PSMC3IP: variants seen among roughly 807,000 people sequenced by gnomAD.
PSMC3IP encodes PSMC3 interacting protein.
PSMC3IP carries 26 observed loss-of-function variants against 34.9 expected under a neutral mutation model. That is an observed-to-expected ratio of 0.74 (90% confidence interval 0.55 to 1.03). PSMC3IP has a LOEUF of 1.03. Ranked by LOEUF, PSMC3IP falls within the 50% of genes least tolerant of loss-of-function variation. The probability of loss-of-function intolerance (pLI) is 0.00; values close to 1 mark genes in which losing one functional copy is unlikely to be tolerated. For missense variants in PSMC3IP, 250 were observed against 263.1 expected, an observed-to-expected ratio of 0.95 and a Z score of 0.34; for synonymous variants, 87 against 96.5, an observed-to-expected ratio of 0.90 and a Z score of 0.57.
intron 3 of PSMC3IP, chr17:42,576,611 C>A: frequency 6.0e-6 from 1 of 167,288 alleles, no homozygotes; most frequent in Non-Finnish European, 1.3e-5. Context: ...CCAACCTGGG[C>A]AGCACAGTAA....
chr17:42,573,757 T>C (rs2093053641), intron 4 of PSMC3IP, 134 bp from the exon 5 acceptor site: 6 of 1,502,700 alleles, frequency 4.0e-6, no homozygotes, highest in Non-Finnish European at 5.4e-6. Flanking sequence ...CATACAGGAT[T>C]ATTTATTCTT....
At chr17:42,576,041 T>C (rs1162772541) in intron 3 of PSMC3IP, among the ~76,000 whole-genome samples, 1 of 150,472 alleles carries the variant, frequency 6.6e-6, no homozygotes, top group Non-Finnish European at 1.5e-5. Flanking sequence ...ACAACAACAA[T>C]AACAAAAAGA....
In PSMC3IP at chr17:42,573,339, C is replaced by T. The variant is rs762489859; in HGVS notation, c.509G>A (p.Cys170Tyr). ...EQVYRERQKY[C>Y]KEWRKRKRMA... ...CCTCTTCCTCTTCCTCCACTCCTTA[C>T]AGTACTTCTGCCTCTCTCTGTACAC... is the stretch of plus-strand genomic sequence containing the variant. The change falls in exon 6 of 8, where the codon TGT (cysteine) becomes TAT (tyrosine). Residue 170 changes from cysteine (C) to tyrosine (Y), a missense_variant. By Grantham distance (194) the Cys-to-Tyr change is radical. Coordinates refer to ENST00000393795, the MANE Select transcript of PSMC3IP (RefSeq NM_016556.4). 10 of 1,614,158 alleles carry T rather than the reference C, an allele frequency of 6.2e-6. No homozygotes were observed. In the South Asian group the frequency reaches 8.8e-5, roughly 14 times the overall value.
chr17:42,573,682 C>T, intron 4 of PSMC3IP, 59 bp from the exon 5 acceptor site: 1 of 1,594,272 alleles, frequency 6.3e-7, no homozygotes, highest in African/African-American at 1.3e-5. Context: ...TCTGTCTTTC[C>T]CAGTGGGTGC....
In PSMC3IP at chr17:42,577,274, G is replaced by C; in HGVS notation, c.164C>G (p.Ala55Gly). The change falls in exon 3 of 8, where the codon GCG becomes GGG. Residue 55 changes from alanine (A) to glycine (G), a missense_variant. Physicochemically the swap from Ala to Gly is moderately conservative, Grantham distance 60. Transcript: ENST00000393795. ...CTTCTCTTTGATCTTGCCTTGTTGC[G>C]CCAGCTGCTCCAGCGTCTTCACCAC... The part of the protein sequence containing the change: ...AVVVKTLEQL[A>G]QQGKIKEKMY... 6.2e-7 allele frequency: 1 copy of C among 1,613,958 alleles called. No individual in the cohort carries two copies. Among genetic ancestry groups the C allele is most frequent in the Middle Eastern group, 1.6e-4 (1 of 6,062 alleles).
upstream of PSMC3IP, chr17:42,577,747 C>T (rs778692523): frequency 3.7e-6 from 6 of 1,601,842 alleles, no homozygotes; most frequent in African/African-American, 4.0e-5. Context: ...GCGACGGCTC[C>T]TTCCGGCGAC....
In PSMC3IP at chr17:42,577,702, C is replaced by T. The variant is rs1308814778; in HGVS notation, c.-16G>A. 6.2e-7 allele frequency: 1 copy of T among 1,613,982 alleles called. No homozygotes were observed. The highest frequency in any genetic ancestry group is 1.7e-5 in the Admixed American group (1 of 60,024). On this transcript the variant is annotated 5_prime_UTR_variant, in exon 1 of 8. Coordinates refer to ENST00000393795, the MANE Select transcript of PSMC3IP (RefSeq NM_016556.4). The stretch of plus-strand genomic sequence containing the variant: ...CTTTACTCATCGCCTTTCCCGCCAC[C>T]CAACTCAGAAAGCCGGACGTTGTAG...
intron 3 of PSMC3IP, among the ~76,000 whole-genome samples, chr17:42,575,666 G>A (rs1193761311): frequency 6.6e-6 from 1 of 152,078 alleles, no homozygotes. Context: ...AGGAACTTCA[G>A]TTGAATAAAG....
At chr17:42,577,734 G>C, upstream of PSMC3IP, 1 of 1,610,660 alleles carries the variant, frequency 6.2e-7, no homozygotes, top group African/African-American at 1.3e-5. Context: ...GTAGTTGCTC[G>C]GGGCGACGGC....
At chr17:42,573,824 C>T in intron 4 of PSMC3IP, 1 of 1,530,708 alleles carries the variant, frequency 6.5e-7, no homozygotes, top group Non-Finnish European at 8.7e-7. Flanking sequence ...TGAACACTTA[C>T]TTAGGCGTAG....
intron 3 of PSMC3IP, among the ~76,000 whole-genome samples, chr17:42,575,522 C>G (rs1224013326): frequency 6.6e-6 from 1 of 152,142 alleles, no homozygotes; most frequent in African/African-American, 2.4e-5. Context: ...ATGAGTAACA[C>G]AATGCAGCCT....
Position 42,577,504 on chromosome 17 carries a change from T to C in PSMC3IP, c.92A>G (p.Asp31Gly), listed in dbSNP as rs1390276040. ...TTCCCGCTGTAGGTTCCCGAACACA[T>C]CCTGGGAGCTGTAGGGCCGGTTCTG... ...QEQNRPYSSQ[D>G]VFGNLQREHG... The change falls in exon 2 of 8, where the codon GAT becomes GGT. Residue 31 changes from aspartate (D) to glycine (G), a missense_variant. Coordinates refer to ENST00000393795, the MANE Select transcript of PSMC3IP (RefSeq NM_016556.4). The C allele has an allele frequency of 6.2e-7, 1 of 1,614,128 alleles. No homozygotes were observed. Among genetic ancestry groups the C allele is most frequent in the East Asian group, 2.2e-5 (1 of 44,860 alleles).
chr17:42,574,157 G>C lies in PSMC3IP; in HGVS notation c.279C>G (p.Ile93Met), dbSNP rs188851051. The part of the protein sequence containing the change: ...DADLQVLDGK[I>M]VALTAKVQSL... ...TCTGCACCTTAGCAGTGAGGGCCAC[G>C]ATTTTGCCATCTAGGACTTGAAGGT... is the stretch of plus-strand genomic sequence containing the variant. The change falls in exon 4 of 8, where the codon ATC becomes ATG. Residue 93 changes from isoleucine to methionine, a missense_variant. Coordinates refer to ENST00000393795, the MANE Select transcript of PSMC3IP (RefSeq NM_016556.4). The C allele has an allele frequency of 1.5e-5, 25 of 1,614,044 alleles. No individual in the cohort carries two copies. The highest frequency in any genetic ancestry group is 1.9e-5 in the Non-Finnish European group (23 of 1,180,046).
In PSMC3IP at chr17:42,577,419, AGGGAGTCCGACGGAGAGGGAATCCC is replaced by A. The variant is rs752233532; in HGVS notation, c.135+17_135+41del. The A allele has an allele frequency of 6.2e-7, 1 of 1,610,934 alleles. No homozygotes were observed. Among genetic ancestry groups the A allele is most frequent in the Admixed American group, 1.7e-5 (1 of 60,006 alleles). ...AAGGGCACGACCCCAGCCTGAATCC[AGGGAGTCCGACGGAGAGGGAATCCC>A]GGGAGAAGGTCCTCACCGCCTTGCC... is the stretch of plus-strand genomic sequence containing the variant. On this transcript the variant is annotated intron_variant, in intron 2 of 7. Coordinates refer to ENST00000393795, the MANE Select transcript of PSMC3IP (RefSeq NM_016556.4).
chr17:42,577,357 A>C, intron 2 of PSMC3IP, 55 bp from the exon 3 acceptor site: 2 of 1,609,896 alleles, frequency 1.2e-6, no homozygotes, highest in Non-Finnish European at 1.7e-6. Flanking sequence ...GGTCTGGGGA[A>C]ATCCAGCCAG....
At chr17:42,574,555 C>G (rs373235545) in intron 3 of PSMC3IP, among the ~76,000 whole-genome samples, 8 of 152,270 alleles carry the variant, frequency 5.3e-5, no homozygotes, top group African/African-American at 1.9e-4. Flanking sequence ...AAACCTAGAT[C>G]ATGGGTTTCC....
At chr17:42,576,524 G>C (rs762523326) in intron 3 of PSMC3IP, among the ~76,000 whole-genome samples, 1 of 152,190 alleles carries the variant, frequency 6.6e-6, no homozygotes, top group Non-Finnish European at 1.5e-5. Flanking sequence ...AATTAGCCAG[G>C]CTCTGTGGTT....
Position 42,573,297 on chromosome 17 carries a change from T to C in PSMC3IP, c.537+14A>G. 6.2e-7 allele frequency: 1 copy of C among 1,614,048 alleles called. No homozygotes were observed. On this transcript the variant is annotated intron_variant, in intron 6 of 7. Transcript: ENST00000393795. ...GCACCTCCAGGGCCTGTCTCGGAGC[T>C]CCCACACACTTACCATCCTCTTCCT...
At chr17:42,576,456 G>A (rs1266000526) in intron 3 of PSMC3IP, among the ~76,000 whole-genome samples, 1 of 152,096 alleles carries the variant, frequency 6.6e-6, no homozygotes, top group Non-Finnish European at 1.5e-5. Context: ...CAAATAAAGA[G>A]GGCGTGAACT....
Sources: gnomAD v4.1 joint callset for allele counts (sites outside exome capture counted in the v4.1 genomes callset) on GRCh38, gnomAD v4.1.1 for gene constraint, MANE v1.5 for transcripts, NCBI Gene and HGNC (gene_info 2026-07-23, HGNC 2026-07-21) for gene names.